KAT7: variants seen among roughly 807,000 people sequenced by gnomAD.
KAT7 encodes the protein histone acetyltransferase KAT7.
KAT7 carries 10 observed loss-of-function variants against 82.1 expected under a neutral mutation model. The ratio of observed to expected loss-of-function variants is 0.12; its 90% CI spans 0.08 to 0.21. KAT7 has a LOEUF of 0.21. KAT7 is among the 10% of genes least tolerant of loss of function. The pLI, the probability that KAT7 is intolerant of heterozygous loss-of-function variation, is 1.00. For missense variants in KAT7, 378 were observed against 760.9 expected, an observed-to-expected ratio of 0.50 and a Z score of 5.92; for synonymous variants, 250 against 262.5, an observed-to-expected ratio of 0.95 and a Z score of 0.46.
intron 7 of KAT7, among the ~76,000 whole-genome samples, chr17:49,813,463 G>C (rs2143937091): frequency 6.6e-6 from 1 of 152,056 alleles, no homozygotes; most frequent in Admixed American, 6.6e-5. Context: ...CTTAAACATA[G>C]GGCATGTGAA....
chr17:49,791,299 C>CT (rs1254789065), intron 1 of KAT7, among the ~76,000 whole-genome samples: 2 of 152,082 alleles, frequency 1.3e-5, no homozygotes, highest in Admixed American at 6.6e-5. Flanking sequence ...TACAGTGGAC[C>CT]TTTTTTTGTG....
chr17:49,801,141 T>C (rs1309184426), intron 4 of KAT7, among the ~76,000 whole-genome samples: 1 of 152,178 alleles, frequency 6.6e-6, no homozygotes, highest in Non-Finnish European at 1.5e-5. Context: ...GACCATAGGG[T>C]AAATAAAAAA....
chr17:49,792,044 C>G lies in KAT7; in HGVS notation c.163+11C>G, dbSNP rs749701780. 6.2e-7 allele frequency: 1 copy of G among 1,612,230 alleles called. No homozygotes were observed. Among genetic ancestry groups the G allele is most frequent in the Admixed American group, 1.7e-5 (1 of 59,960 alleles). On this transcript the variant is annotated intron_variant, in intron 2 of 14. Transcript: ENST00000259021. ...GCCAGAGTTCTCAAGGTAAAAAAAC[C>G]TTCATTTTTCCTTACCACTCCTCAC...
chr17:49,798,366 A>G lies in KAT7; in HGVS notation c.388A>G (p.Thr130Ala). ...DHDESPPRTP[T>A]GNAPSSESDI... ...TGATGAGTCACCGCCTCGAACTCCA[A>G]CTGGAAATGCGCCTTCTTCTGAGTC... The change falls in exon 4 of 15, where the codon ACT becomes GCT. Residue 130 changes from threonine to alanine, a missense_variant. This residue lies in a region of KAT7 where 161 missense variants were observed against 229.6 expected (regional missense o/e 0.70). Transcript: ENST00000259021. The G allele has an allele frequency of 1.2e-6, 2 of 1,614,222 alleles. No homozygotes were observed.
intron 11 of KAT7, 139 bp from the exon 12 acceptor site, chr17:49,823,063 A>G: frequency 1.6e-6 from 1 of 611,032 alleles, no homozygotes; most frequent in Non-Finnish European, 2.9e-6. Context: ...TGGTTATAAC[A>G]GCTGTGAGCC....
At chr17:49,817,134 C>T (rs940413176) in intron 8 of KAT7, among the ~76,000 whole-genome samples, 1 of 152,064 alleles carries the variant, frequency 6.6e-6, no homozygotes. Flanking sequence ...ATAAGTAAGG[C>T]AGATTCTAAA....
In KAT7 at chr17:49,830,610, C is replaced by T. The variant is rs2074417679; in HGVS notation, c.*3108C>T. ...GAAGTACCTACTCTATTGGTTGCTT[C>T]CCATATGGTTGTCACTGTACCTTCA... is the stretch of plus-strand genomic sequence containing the variant. On this transcript the variant is annotated 3_prime_UTR_variant, in exon 15 of 15. Coordinates refer to ENST00000259021, the MANE Select transcript of KAT7 (RefSeq NM_007067.5). The T allele has an allele frequency of 6.6e-6, 1 of 152,198 alleles. No homozygotes were observed. Among genetic ancestry groups the T allele is most frequent in the East Asian group, 1.9e-4 (1 of 5,206 alleles). The allele number at this position is 152,198 out of a possible 1,614,324, so 9.4% of individuals were successfully genotyped here. A position where few individuals can be genotyped will look rare whatever the true frequency, so the allele number is the denominator to read the frequency against.
At chr17:49,811,618 C>T in intron 7 of KAT7, 44 bp downstream of exon 7, 1 of 986,730 alleles carries the variant, frequency 1.0e-6, no homozygotes, top group Admixed American at 2.8e-5. Flanking sequence ...CTCCTGCTAT[C>T]ACATTTGATT....
Position 49,805,257 on chromosome 17 carries a change from T to C in KAT7, c.581-106T>C, listed in dbSNP as rs563899923. 9.3e-5 allele frequency: 67 copies of C among 724,312 alleles called. 1 individual carries two copies. The South Asian group carries it at 1.0e-3, about 11-fold the overall frequency. 44.9% of individuals were successfully genotyped at this position (724,312 alleles called of 1,614,324 possible). On this transcript the variant is annotated intron_variant, in intron 4 of 14. Transcript: ENST00000259021. ...GGTGGATTCAGTCTGATCAGACATA[T>C]ATTTGATAAAAATGATGTAGCAAAA...
In KAT7 at chr17:49,833,454, C is replaced by T. The variant is rs947702212; in HGVS notation, c.*5952C>T. 4.6e-5 allele frequency: 7 copies of T among 152,202 alleles called. No homozygotes were observed. Among genetic ancestry groups the T allele is most frequent in the African/African-American group, 1.2e-4 (5 of 41,440 alleles). 9.4% of individuals were successfully genotyped at this position (152,202 alleles called of 1,614,324 possible). On this transcript the variant is annotated 3_prime_UTR_variant, in exon 15 of 15. Coordinates refer to ENST00000259021, the MANE Select transcript of KAT7 (RefSeq NM_007067.5). ...AACAGTTGCTCTCATCCTCTGTGCA[C>T]GTGCTATTTCCAATAAGGTCTATTT...
Position 49,830,683 on chromosome 17 carries a change from C to T in KAT7, c.*3181C>T, listed in dbSNP as rs1399243695. On this transcript the variant is annotated 3_prime_UTR_variant, in exon 15 of 15. Coordinates refer to ENST00000259021, the MANE Select transcript of KAT7 (RefSeq NM_007067.5). ...ATTAGCCCTGTACAGTAGATGGGTA[C>T]ACTGGTTTGCCAAAGGAGACCTGGA... 6.6e-6 allele frequency: 1 copy of T among 152,152 alleles called. No homozygotes were observed. 9.4% of individuals were successfully genotyped at this position (152,152 alleles called of 1,614,324 possible). A position where few individuals can be genotyped will look rare whatever the true frequency, so the allele number is the denominator to read the frequency against.
intron 2 of KAT7, 113 bp from the exon 3 acceptor site, chr17:49,796,637 G>T: frequency 1.3e-6 from 1 of 756,232 alleles, no homozygotes; most frequent in Non-Finnish European, 2.0e-6. Flanking sequence ...AGGATTTGTT[G>T]GATTTTGTGA....
Position 49,830,208 on chromosome 17 carries a change from T to TTTTTTTTTA in KAT7, c.*2706_*2707insTTTTTTTTA, listed in dbSNP as rs778263939. 1 of 84,158 alleles carries TTTTTTTTTA rather than the reference T, an allele frequency of 1.2e-5. No homozygotes were observed. The highest frequency in any genetic ancestry group is 5.8e-5 in the African/African-American group (1 of 17,166). The allele number at this position is 84,158 out of a possible 1,614,324, so 5.2% of individuals were successfully genotyped here. A position where few individuals can be genotyped will look rare whatever the true frequency, so the allele number is the denominator to read the frequency against. On this transcript the variant is annotated 3_prime_UTR_variant, in exon 15 of 15. Coordinates refer to ENST00000259021, the MANE Select transcript of KAT7 (RefSeq NM_007067.5). Reference sequence around the variant, plus strand: ...TTTTTTTTTTTTTTTTTTTTTTTTTTAAAAAAAGACAGTCTCACTCTATCA... The same window carrying TTTTTTTTTA: ...TTTTTTTTTTTTTTTTTTTTTTTTTTTTTTTTTTAAAAAAAAGACAGTCTCACTCTATCA...
chr17:49,805,336 G>A, intron 4 of KAT7, 27 bp from the exon 5 acceptor site: 2 of 1,485,506 alleles, frequency 1.3e-6, no homozygotes, highest in Non-Finnish European at 9.4e-7. Flanking sequence ...CTTCTTTCTT[G>A]AGATTAAGTT....
chr17:49,815,857 A>G lies in KAT7; in HGVS notation c.907A>G (p.Ser303Gly). ...GGAACCTCTTTTAGAAAACCTGACA[A>G]GCGAGTATGACTTGGATCTTTTCCG... ...TREPLLENLT[S>G]EYDLDLFRRA... The change falls in exon 8 of 15, where the codon AGC becomes GGC. Residue 303 changes from serine (S) to glycine (G), a missense_variant. By Grantham distance (56) the Ser-to-Gly change is moderately conservative. Coordinates refer to ENST00000259021, the MANE Select transcript of KAT7 (RefSeq NM_007067.5). The G allele has an allele frequency of 6.2e-7, 1 of 1,613,888 alleles. No individual in the cohort carries two copies. The highest frequency in any genetic ancestry group is 8.5e-7 in the Non-Finnish European group (1 of 1,179,916).
At chr17:49,809,470 G>C (rs969695210) in intron 6 of KAT7, among the ~76,000 whole-genome samples, 3 of 152,172 alleles carry the variant, frequency 2.0e-5, no homozygotes, top group Non-Finnish European at 4.4e-5. Flanking sequence ...TTATTTGAAA[G>C]ATTACACTTG....
chr17:49,826,240 C>T (rs2074367365), intron 13 of KAT7, 94 bp downstream of exon 13: 3 of 1,279,202 alleles, frequency 2.3e-6, no homozygotes, highest in Non-Finnish European at 3.3e-6. Context: ...ACGGAAGGCC[C>T]ACTGAATATG....
At chr17:49,789,930 A>G (rs1379159122) in intron 1 of KAT7, 1 of 152,198 alleles carries the variant, frequency 6.6e-6, no homozygotes, top group Non-Finnish European at 1.5e-5. Flanking sequence ...CAAGCCAGGA[A>G]GGAATAAGTC....
intron 11 of KAT7, among the ~76,000 whole-genome samples, chr17:49,822,601 C>T (rs903537221): frequency 3.9e-5 from 6 of 152,100 alleles, no homozygotes; most frequent in African/African-American, 1.2e-4. Context: ...CATAAATTCA[C>T]GCACTGAAAG....
Sources: gnomAD v4.1 joint callset for allele counts (sites outside exome capture counted in the v4.1 genomes callset) on GRCh38, gnomAD v4.1.1 for gene constraint, gnomAD v4.1.1 regional missense constraint, MANE v1.5 for transcripts, NCBI Gene and HGNC (gene_info 2026-07-23, HGNC 2026-07-21) for gene names.